Variants in ANAPC10 observed in about 807,000 individuals in gnomAD.
ANAPC10 encodes the protein anaphase-promoting complex subunit 10.
Under a neutral mutation model 22.0 loss-of-function variants are expected in ANAPC10, and 12 were observed. The observed-to-expected ratio is 0.55, with a 90% CI of 0.35 to 0.88. ANAPC10 has a LOEUF of 0.88. Among genes scored for constraint, ANAPC10 ranks in the 40% least tolerant of loss-of-function variants. The pLI, the probability that ANAPC10 is intolerant of heterozygous loss-of-function variation, is 0.01. For synonymous variants in ANAPC10, 65 were observed against 69.5 expected (o/e 0.94, Z 0.32); for missense variants, 188 against 220.9 (o/e 0.85, Z 0.94).
At chr4:145,008,622 G>C (rs1047029008) in intron 4 of ANAPC10, among the ~76,000 whole-genome samples, 4 of 152,038 alleles carry the variant, frequency 2.6e-5, no homozygotes, top group Non-Finnish European at 5.9e-5. Context: ...AAAGGCCTTT[G>C]ACAAAATTCA....
At chr4:145,047,345 T>C (rs1740455209) in intron 4 of ANAPC10, among the ~76,000 whole-genome samples, 1 of 152,110 alleles carries the variant, frequency 6.6e-6, no homozygotes, top group Admixed American at 6.6e-5. Flanking sequence ...GACTGGGTTT[T>C]TCCGTCTGTA....
intron 4 of ANAPC10, among the ~76,000 whole-genome samples, chr4:145,040,735 T>G (rs1395153237): frequency 6.6e-6 from 1 of 152,138 alleles, no homozygotes; most frequent in Non-Finnish European, 1.5e-5. Context: ...CCTTAAAGTA[T>G]GTATGTATGC....
chr4:145,000,074 A>G (rs1239966751), intron 4 of ANAPC10, among the ~76,000 whole-genome samples: 2 of 152,206 alleles, frequency 1.3e-5, no homozygotes, highest in Admixed American at 6.5e-5. Context: ...AAAGACTTAA[A>G]TGTTAGACCT....
chr4:145,036,257 T>C (rs1352982020), intron 4 of ANAPC10, among the ~76,000 whole-genome samples: 1 of 152,202 alleles, frequency 6.6e-6, no homozygotes, highest in African/African-American at 2.4e-5. Flanking sequence ...AATGGGATTA[T>C]AGAGCTAAAT....
chr4:145,093,465 G>A (rs1748009467), intron 2 of ANAPC10, among the ~76,000 whole-genome samples: 1 of 149,898 alleles, frequency 6.7e-6, no homozygotes. Flanking sequence ...CAAACAAAAA[G>A]AAAAACAGAA....
At chr4:145,066,417 A>C (rs1453213456) in intron 3 of ANAPC10, among the ~76,000 whole-genome samples, 1 of 152,150 alleles carries the variant, frequency 6.6e-6, no homozygotes, top group East Asian at 1.9e-4. Flanking sequence ...ATGAGCCATA[A>C]GCAGGAAGTA....
At chr4:145,093,295 T>C (rs1027363004) in intron 2 of ANAPC10, among the ~76,000 whole-genome samples, 5 of 152,104 alleles carry the variant, frequency 3.3e-5, no homozygotes, top group African/African-American at 4.8e-5. Flanking sequence ...AAGGTAACCA[T>C]AGCAATAACA....
At chr4:145,018,570 A>G (rs1412496541) in intron 4 of ANAPC10, among the ~76,000 whole-genome samples, 1 of 152,048 alleles carries the variant, frequency 6.6e-6, no homozygotes. Context: ...CCTGAGAGGC[A>G]GAGTTTGCAG....
chr4:145,066,469 T>C (rs992435096), intron 3 of ANAPC10, among the ~76,000 whole-genome samples: 10 of 151,988 alleles, frequency 6.6e-5, no homozygotes, highest in African/African-American at 2.4e-4. Flanking sequence ...ATCACGAAGA[T>C]GGCTCTTAAG....
At chr4:145,054,483 A>G (rs1741633443) in intron 4 of ANAPC10, among the ~76,000 whole-genome samples, 1 of 150,402 alleles carries the variant, frequency 6.6e-6, no homozygotes, top group Non-Finnish European at 1.5e-5. Context: ...GAGTGAACCC[A>G]GGAGGCAGAG....
At chr4:145,076,604 A>G (rs993708964) in intron 3 of ANAPC10, among the ~76,000 whole-genome samples, 1 of 152,234 alleles carries the variant, frequency 6.6e-6, no homozygotes, top group Non-Finnish European at 1.5e-5. Context: ...GATTGAAATG[A>G]CAGAAATGAC....
rs114350275 is a variant in ANAPC10, at chr4:145,071,531, A to G, written c.207-6839T>C. ...CAGAATATTAAATAAATAATATTGAATTTTATTATTCACCATCTCAACAGA... is the reference window on the plus strand; with the variant it reads ...CAGAATATTAAATAAATAATATTGAGTTTTATTATTCACCATCTCAACAGA... On this transcript the variant is annotated intron_variant, in intron 3 of 4. Coordinates refer to ENST00000507656, the MANE Select transcript of ANAPC10 (RefSeq NM_001256706.2). Among the ~76,000 whole-genome samples the G allele has an allele frequency of 4.2e-3, 641 of 152,312 alleles. 6 individuals carry two copies. Among genetic ancestry groups the G allele is most frequent in the African/African-American group, 0.015 (606 of 41,594 alleles).
intron 4 of ANAPC10, among the ~76,000 whole-genome samples, chr4:145,038,654 C>CT (rs1219628334): frequency 1.3e-5 from 2 of 151,902 alleles, no homozygotes; most frequent in Admixed American, 1.3e-4. Flanking sequence ...AACCCTGTCT[C>CT]TATTAAAAAT....
chr4:145,031,868 G>C (rs185135320), intron 4 of ANAPC10, among the ~76,000 whole-genome samples: 1 of 152,310 alleles, frequency 6.6e-6, no homozygotes, highest in Admixed American at 6.5e-5. Context: ...GGGTCATCAA[G>C]TCACCATGCA....
chr4:145,021,822 C>T (rs1430436793), intron 4 of ANAPC10, among the ~76,000 whole-genome samples: 2 of 151,162 alleles, frequency 1.3e-5, no homozygotes, highest in East Asian at 3.9e-4. Context: ...TCAAATCAGC[C>T]AAAAAAAATT....
intron 3 of ANAPC10, among the ~76,000 whole-genome samples, chr4:145,076,200 T>C (rs2126553671): frequency 6.6e-6 from 1 of 152,334 alleles, no homozygotes; most frequent in Non-Finnish European, 1.5e-5. Context: ...CATTGGAGTG[T>C]TGTTGCCAGC....
At chr4:145,002,154 AG>A (rs1732676845) in intron 4 of ANAPC10, among the ~76,000 whole-genome samples, 1 of 152,210 alleles carries the variant, frequency 6.6e-6, no homozygotes, top group South Asian at 2.1e-4. Flanking sequence ...ATGAAGCAGC[AG>A]ATTCTAGAAT....
chr4:145,041,602 T>TA (rs926398050), intron 4 of ANAPC10, among the ~76,000 whole-genome samples: 8 of 152,314 alleles, frequency 5.3e-5, no homozygotes, highest in African/African-American at 1.9e-4. Context: ...CTTCCCCTTC[T>TA]AGAAGGCATA....
intron 4 of ANAPC10, among the ~76,000 whole-genome samples, chr4:145,050,496 C>A (rs1410786528): frequency 6.6e-6 from 1 of 152,200 alleles, no homozygotes; most frequent in African/African-American, 2.4e-5. Flanking sequence ...AAAGAGCCAG[C>A]CTGTCCTGTG....
Sources: gnomAD v4.1 joint callset for allele counts (sites outside exome capture counted in the v4.1 genomes callset) on GRCh38, gnomAD v4.1.1 for gene constraint, MANE v1.5 for transcripts, NCBI Gene and HGNC (gene_info 2026-07-23, HGNC 2026-07-21) for gene names.